Variants in TENM3 observed in about 807,000 individuals in gnomAD.
TENM3 encodes the protein teneurin transmembrane protein 3, also known as teneurin-3.
Under a neutral mutation model 255.1 loss-of-function variants are expected in TENM3, and 63 were observed. That is an observed-to-expected ratio of 0.25 (90% CI 0.20 to 0.30). The LOEUF is 0.30. TENM3 is among the 10% of genes least tolerant of loss of function. The pLI, the probability that TENM3 is intolerant of heterozygous loss-of-function variation, is 1.00. For synonymous variants in TENM3, 1,306 were observed against 1,322.3 expected (o/e 0.99, Z 0.27); for missense variants, 2,929 against 3,461.1 (o/e 0.85, Z 3.86).
At chr4:181,946,883 G>A in the TENM3 span, among the ~76,000 whole-genome samples, 3 of 152,304 alleles carry the variant, frequency 2.0e-5, no homozygotes, top group East Asian at 5.8e-4. Flanking sequence ...GTCTGATTTA[G>A]ATGGAGAAAA....
At chr4:181,839,336 G>T in the TENM3 span, among the ~76,000 whole-genome samples, 1 of 109,704 alleles carries the variant, frequency 9.1e-6, no homozygotes, top group African/African-American at 3.5e-5. Flanking sequence ...GTGCATATAT[G>T]TATTGAGGGT....
chr4:182,206,409 G>A (rs1270344619), intron 1 of TENM3, among the ~76,000 whole-genome samples: 9 of 152,134 alleles, frequency 5.9e-5, no homozygotes, highest in Admixed American at 5.9e-4. Context: ...AGTCTGTTAT[G>A]GGCCAGGGGG....
chr4:182,440,364 G>A (rs1174618419), intron 3 of TENM3, among the ~76,000 whole-genome samples: 2 of 151,948 alleles, frequency 1.3e-5, no homozygotes, highest in Admixed American at 6.6e-5. Flanking sequence ...CACCCGCCTC[G>A]GCCTCCCAAA....
chr4:181,595,091 G>T, the TENM3 span, among the ~76,000 whole-genome samples: 2 of 152,034 alleles, frequency 1.3e-5, no homozygotes, highest in African/African-American at 2.4e-5. Flanking sequence ...CTGCCCACCT[G>T]CAGGCTCATT....
At chr4:181,679,624 T>G in the TENM3 span, among the ~76,000 whole-genome samples, 22 of 152,278 alleles carry the variant, frequency 1.4e-4, no homozygotes, top group Non-Finnish European at 2.9e-4. Flanking sequence ...GACTAGATTA[T>G]TCTGAAACAA....
At chr4:182,239,878 A>C (rs1157941642), upstream of TENM3, among the ~76,000 whole-genome samples, 1 of 152,248 alleles carries the variant, frequency 6.6e-6, no homozygotes, top group Non-Finnish European at 1.5e-5. Flanking sequence ...GCTATTTTCA[A>C]AGTGTAAAAA....
At chr4:181,699,778 T>C in the TENM3 span, among the ~76,000 whole-genome samples, 2 of 152,128 alleles carry the variant, frequency 1.3e-5, no homozygotes, top group Non-Finnish European at 2.9e-5. Context: ...AGAAAGAAAA[T>C]TGGATATGCC....
At chr4:181,500,260 C>G in the TENM3 span, among the ~76,000 whole-genome samples, 1 of 151,646 alleles carries the variant, frequency 6.6e-6, no homozygotes, top group African/African-American at 2.4e-5. Context: ...AACTCTTGAC[C>G]CCAGGAGATC....
chr4:182,588,597 C>T (rs1420775484), intron 3 of TENM3, among the ~76,000 whole-genome samples: 2 of 152,132 alleles, frequency 1.3e-5, no homozygotes, highest in Admixed American at 6.6e-5. Flanking sequence ...AAGATTGGGA[C>T]AGCTTCTTCC....
chr4:181,902,880 T>G, the TENM3 span, among the ~76,000 whole-genome samples: 1 of 152,190 alleles, frequency 6.6e-6, no homozygotes, highest in Non-Finnish European at 1.5e-5. Flanking sequence ...GAAGTTTTTT[T>G]CACATGATAC....
At chr4:181,676,873 T>G in the TENM3 span, among the ~76,000 whole-genome samples, 1 of 152,106 alleles carries the variant, frequency 6.6e-6, no homozygotes, top group Non-Finnish European at 1.5e-5. Flanking sequence ...CTGGGAGGCA[T>G]GTTTTAGTCC....
chr4:181,468,132 C>CCAAAAAAAAAAAAAAAAAAA, the TENM3 span, among the ~76,000 whole-genome samples: 2 of 130,740 alleles, frequency 1.5e-5, 1 homozygote, highest in Non-Finnish European at 3.2e-5. Context: ...CCCATCTGTA[C>CCAAAAAAAAAAAAAAAAAAA]AAAAAAAAAA....
chr4:182,101,187 G>GAA, the TENM3 span, among the ~76,000 whole-genome samples: 5 of 15,768 alleles, frequency 3.2e-4, 2 homozygotes, highest in Admixed American at 1.5e-3. Context: ...AGGAAAGAAG[G>GAA]GAGGGAGGAA....
chr4:182,526,616 C>A (rs1050245816), intron 3 of TENM3, among the ~76,000 whole-genome samples: 1 of 152,144 alleles, frequency 6.6e-6, no homozygotes, highest in South Asian at 2.1e-4. Context: ...AATGTAAACT[C>A]CATGAAGGTC....
At chr4:182,112,847 T>C in the TENM3 span, among the ~76,000 whole-genome samples, 1 of 152,222 alleles carries the variant, frequency 6.6e-6, no homozygotes, top group Non-Finnish European at 1.5e-5. Context: ...CTCCCTTGGA[T>C]AAATGCTGCT....
intron 6 of TENM3, 146 bp from the exon 7 acceptor site, chr4:182,672,859 G>T: frequency 1.6e-6 from 1 of 615,816 alleles, no homozygotes; most frequent in South Asian, 2.2e-5. Flanking sequence ...AGCTTTTAAA[G>T]TGCAAATTTT....
chr4:182,404,221 G>A (rs554237831), intron 3 of TENM3, among the ~76,000 whole-genome samples: 2 of 152,214 alleles, frequency 1.3e-5, no homozygotes, highest in African/African-American at 4.8e-5. Context: ...GTGTCAGGAG[G>A]ACTATTAAAT....
chr4:182,345,853 A>G (rs544589934), intron 2 of TENM3, among the ~76,000 whole-genome samples: 63 of 152,128 alleles, frequency 4.1e-4, no homozygotes, highest in Non-Finnish European at 7.1e-4. Context: ...ACTTGATTTT[A>G]TCATTAATTT....
chr4:182,479,777 T>G (rs6839031), intron 3 of TENM3, among the ~76,000 whole-genome samples: 1 of 151,996 alleles, frequency 6.6e-6, no homozygotes, highest in Non-Finnish European at 1.5e-5. Context: ...TAGAAGTAAA[T>G]ATTTTTGATC....
Sources: gnomAD v4.1 joint callset for allele counts (sites outside exome capture counted in the v4.1 genomes callset) on GRCh38, gnomAD v4.1.1 for gene constraint, MANE v1.5 for transcripts, NCBI Gene and HGNC (gene_info 2026-07-23, HGNC 2026-07-21) for gene names.